ARK2C: variants seen among roughly 807,000 people sequenced by gnomAD.
ARK2C encodes the protein arkadia (RNF111) C-terminal like ring finger ubiquitin ligase 2C.
At chr18:46,398,347 G>A in the ARK2C span, among the ~76,000 whole-genome samples, 1 of 151,756 alleles carries the variant, frequency 6.6e-6, no homozygotes, top group Non-Finnish European at 1.5e-5. Flanking sequence ...GAGGGGGAGC[G>A]ACACCAGGCG....
the ARK2C span, among the ~76,000 whole-genome samples, chr18:46,439,074 C>T: frequency 2.3e-3 from 346 of 152,266 alleles, 5 homozygotes; most frequent in East Asian, 0.061. Context: ...CCTTCCTGCC[C>T]GTAGCAGCTG....
chr18:46,447,555 C>G, the ARK2C span: 2 of 1,614,048 alleles, frequency 1.2e-6, no homozygotes, highest in Non-Finnish European at 1.7e-6. Context: ...GAGGCTGTTT[C>G]CCTGCAGGGA....
the ARK2C span, among the ~76,000 whole-genome samples, chr18:46,364,803 G>A: frequency 6.6e-6 from 1 of 152,206 alleles, no homozygotes; most frequent in Non-Finnish European, 1.5e-5. Context: ...CTGCAGAAGA[G>A]TCAGGTCCAC....
At chr18:46,424,669 C>G in the ARK2C span, among the ~76,000 whole-genome samples, 1 of 152,292 alleles carries the variant, frequency 6.6e-6, no homozygotes, top group Non-Finnish European at 1.5e-5. Flanking sequence ...ATTTGAGGCC[C>G]CTGCCAGCAA....
chr18:46,449,036 GC>G, the ARK2C span, among the ~76,000 whole-genome samples: 316 of 152,274 alleles, frequency 2.1e-3, 1 homozygote, highest in African/African-American at 7.1e-3. Flanking sequence ...AAAGAAGCAA[GC>G]ATTTATTGAG....
At chr18:46,418,224 G>A in the ARK2C span, among the ~76,000 whole-genome samples, 23 of 152,096 alleles carry the variant, frequency 1.5e-4, no homozygotes, top group African/African-American at 3.6e-4. Context: ...TTGTGTGGTC[G>A]CACATGCCCA....
At chr18:46,377,211 C>T in the ARK2C span, among the ~76,000 whole-genome samples, 1 of 152,162 alleles carries the variant, frequency 6.6e-6, no homozygotes, top group East Asian at 1.9e-4. Context: ...CTTTTAAATT[C>T]ACATCTTTAG....
At chr18:46,375,090 C>A in the ARK2C span, among the ~76,000 whole-genome samples, 3 of 152,158 alleles carry the variant, frequency 2.0e-5, no homozygotes, top group Non-Finnish European at 4.4e-5. Flanking sequence ...CAAACCTCAC[C>A]CAGGCAGGCT....
the ARK2C span, among the ~76,000 whole-genome samples, chr18:46,403,788 G>A: frequency 6.6e-6 from 1 of 152,172 alleles, no homozygotes; most frequent in Non-Finnish European, 1.5e-5. Context: ...TGAGGCAGGA[G>A]AATTGCTTGA....
At chr18:46,422,350 C>T in the ARK2C span, among the ~76,000 whole-genome samples, 5 of 152,158 alleles carry the variant, frequency 3.3e-5, no homozygotes, top group Admixed American at 2.0e-4. Context: ...GCATGAAATC[C>T]GAATTTCTCC....
chr18:46,398,501 T>C, the ARK2C span, among the ~76,000 whole-genome samples: 1 of 151,916 alleles, frequency 6.6e-6, no homozygotes, highest in Non-Finnish European at 1.5e-5. Flanking sequence ...GGTGAGACAA[T>C]TGGCCAGCAA....
At chr18:46,421,660 C>A in the ARK2C span, among the ~76,000 whole-genome samples, 1 of 152,166 alleles carries the variant, frequency 6.6e-6, no homozygotes, top group Admixed American at 6.5e-5. Context: ...CTGTCTCTAA[C>A]CAAATCTTCT....
chr18:46,376,154 C>T, the ARK2C span, among the ~76,000 whole-genome samples: 1 of 152,220 alleles, frequency 6.6e-6, no homozygotes, highest in African/African-American at 2.4e-5. Context: ...TGCTATTAGG[C>T]CCCTGGCTTG....
the ARK2C span, among the ~76,000 whole-genome samples, chr18:46,412,581 C>T: frequency 1.3e-5 from 2 of 152,182 alleles, no homozygotes; most frequent in Admixed American, 6.5e-5. Context: ...ATGAGGCTGC[C>T]TGGTTGGTCA....
the ARK2C span, among the ~76,000 whole-genome samples, chr18:46,391,806 A>G: frequency 6.6e-6 from 1 of 151,426 alleles, no homozygotes; most frequent in Non-Finnish European, 1.5e-5. Context: ...ATAATACACA[A>G]CCACAACACA....
chr18:46,451,681 T>C, the ARK2C span, among the ~76,000 whole-genome samples: 75 of 152,278 alleles, frequency 4.9e-4, no homozygotes, highest in African/African-American at 1.7e-3. Flanking sequence ...GGTATGAACT[T>C]GTAGTCCTAG....
chr18:46,424,945 A>T, the ARK2C span, among the ~76,000 whole-genome samples: 1 of 152,216 alleles, frequency 6.6e-6, no homozygotes, highest in Admixed American at 6.5e-5. Flanking sequence ...CTTTTCAAAA[A>T]GGAGCCAGCG....
At chr18:46,421,158 C>T in the ARK2C span, among the ~76,000 whole-genome samples, 1 of 152,188 alleles carries the variant, frequency 6.6e-6, no homozygotes, top group Non-Finnish European at 1.5e-5. Context: ...CAACTGGGCC[C>T]CTATACTCAT....
At chr18:46,372,016 T>C in the ARK2C span, among the ~76,000 whole-genome samples, 1 of 152,218 alleles carries the variant, frequency 6.6e-6, no homozygotes, top group South Asian at 2.1e-4. Flanking sequence ...GGGTCCTGGA[T>C]GGGCCATATC....
Sources: gnomAD v4.1 joint callset for allele counts (sites outside exome capture counted in the v4.1 genomes callset) on GRCh38, gnomAD v4.1.1 for gene constraint, MANE v1.5 for transcripts, NCBI Gene and HGNC (gene_info 2026-07-23, HGNC 2026-07-21) for gene names.